UACA: variants seen among roughly 807,000 people sequenced by gnomAD.
UACA encodes the protein uveal autoantigen with coiled-coil domains and ankyrin repeats.
UACA carries 112 observed loss-of-function variants against 160.5 expected under a neutral mutation model. The observed-to-expected ratio is 0.70, with a 90% CI of 0.60 to 0.82. The LOEUF (loss-of-function observed/expected upper bound fraction) is 0.82. Among genes scored for constraint, UACA ranks in the 40% least tolerant of loss-of-function variants. UACA has a pLI of 0.00. For missense variants in UACA, 1,574 were observed against 1,614.6 expected, an observed-to-expected ratio of 0.97 and a Z score of 0.43; for synonymous variants, 557 against 568.4, an observed-to-expected ratio of 0.98 and a Z score of 0.29.
intron 1 of UACA, among the ~76,000 whole-genome samples, chr15:70,700,494 CA>C (rs1395364731): frequency 6.6e-6 from 1 of 151,732 alleles, no homozygotes; most frequent in Non-Finnish European, 1.5e-5. Flanking sequence ...TCCCTTTTTA[CA>C]TTCCACATGT....
At chr15:70,681,257 G>A (rs1897490997) in intron 9 of UACA, among the ~76,000 whole-genome samples, 1 of 152,200 alleles carries the variant, frequency 6.6e-6, no homozygotes, top group Non-Finnish European at 1.5e-5. Context: ...TAGAACAGTA[G>A]TTGGCATGTT....
At chr15:70,747,692 A>G (rs1899753605) in intron 1 of UACA, among the ~76,000 whole-genome samples, 1 of 152,216 alleles carries the variant, frequency 6.6e-6, no homozygotes, top group African/African-American at 2.4e-5. Context: ...TGATTAGACC[A>G]AAGTTTTTCA....
chr15:70,726,534 G>C (rs899660440), intron 1 of UACA, among the ~76,000 whole-genome samples: 2 of 151,888 alleles, frequency 1.3e-5, no homozygotes, highest in Non-Finnish European at 2.9e-5. Context: ...CATTTCATTT[G>C]GCTTTACTTT....
rs1310876154 is a variant in UACA, at chr15:70,656,429, T to A, written c.*627A>T. 1 of 152,188 alleles carries A rather than the reference T, an allele frequency of 6.6e-6. No individual in the cohort carries two copies. The highest frequency in any genetic ancestry group is 1.5e-5 in the Non-Finnish European group (1 of 68,036). The allele number at this position is 152,188 out of a possible 1,614,324, so 9.4% of individuals were successfully genotyped here. A position where few individuals can be genotyped will look rare whatever the true frequency, so the allele number is the denominator to read the frequency against. ...TCCTGATATATTCCACCCCTGCCTG[T>A]TCTTAATCTAAATGTAATTTAGCAC... is the stretch of plus-strand genomic sequence containing the variant. On this transcript the variant is annotated 3_prime_UTR_variant, in exon 19 of 19. Transcript: ENST00000322954.
intron 18 of UACA, among the ~76,000 whole-genome samples, chr15:70,659,395 GTTTTTTTTTTTTT>G (rs71152307): frequency 7.4e-4 from 14 of 18,818 alleles, no homozygotes; most frequent in African/African-American, 1.1e-3. Flanking sequence ...TTTTTTGTTT[GTTTTTTTTTTTTT>G]TTTTTTTTTT....
chr15:70,701,210 C>A (rs1202593777), intron 1 of UACA, among the ~76,000 whole-genome samples: 1 of 152,156 alleles, frequency 6.6e-6, no homozygotes, highest in African/African-American at 2.4e-5. Context: ...TTCCTCCTAA[C>A]TTCAAAAGTT....
At chr15:70,685,387 T>C (rs1897673937) in intron 7 of UACA, among the ~76,000 whole-genome samples, 1 of 152,304 alleles carries the variant, frequency 6.6e-6, no homozygotes, top group African/African-American at 2.4e-5. Flanking sequence ...ATTGTGAATA[T>C]TGGATCTCTT....
Position 70,715,163 on chromosome 15 carries a change from T to A in UACA, c.79-15503A>T, listed in dbSNP as rs116619482. 9.7e-3 allele frequency among the ~76,000 whole-genome samples: 1,480 copies of A among 152,280 alleles called. 31 individuals are homozygous for A. The highest frequency in any genetic ancestry group is 0.033 in the African/African-American group (1,376 of 41,560). ...AAAAGCCTAAATGTCATAAGTAAAA[T>A]TTTTTAAATATAAAGCTAAAAACCA... is the stretch of plus-strand genomic sequence containing the variant. On this transcript the variant is annotated intron_variant, in intron 1 of 18. Transcript: ENST00000322954.
intron 18 of UACA, among the ~76,000 whole-genome samples, chr15:70,658,618 A>T (rs1896567450): frequency 6.6e-6 from 1 of 152,206 alleles, no homozygotes; most frequent in Non-Finnish European, 1.5e-5. Context: ...TTATATTTTT[A>T]AAAAATACTT....
chr15:70,664,904 G>A lies in UACA; in HGVS notation c.3961-90C>T, dbSNP rs539200523. The A allele has an allele frequency of 4.0e-6, 5 of 1,243,842 alleles. No individual in the cohort carries two copies. In the Admixed American group the frequency reaches 8.4e-5, roughly 21 times the overall value. 77.1% of individuals were successfully genotyped at this position (1,243,842 alleles called of 1,614,324 possible). A position where few individuals can be genotyped will look rare whatever the true frequency, so the allele number is the denominator to read the frequency against. On this transcript the variant is annotated intron_variant, in intron 16 of 18. Transcript: ENST00000322954. ...CAGAAATCATTCCTTTTTGGAGACA[G>A]AAGCTTTATCTTTATACACCAGAAA...
chr15:70,775,153 T>C, the UACA span, among the ~76,000 whole-genome samples: 1 of 152,326 alleles, frequency 6.6e-6, no homozygotes, highest in East Asian at 1.9e-4. Context: ...ACAAGGTCTA[T>C]TGAAGAAGAG....
At position 70,684,440 on chromosome 15, in the gene UACA, G is replaced by C. The variant is rs762717061; in HGVS notation, c.609C>G (p.Ala203=). Reference sequence around the variant, plus strand: ...AACCATATTCGCAACCTAGCATGAGGGCAGTTCTAAATGGAAAAATGGAAG... The same window carrying C: ...AACCATATTCGCAACCTAGCATGAGCGCAGTTCTAAATGGAAAAATGGAAG... ...VNSRDKQNRT[A]LMLGCEYGCR... The change falls in exon 8 of 19, where the codon GCC becomes GCG. Residue 203 remains alanine, a synonymous_variant. Coordinates refer to ENST00000322954, the MANE Select transcript of UACA (RefSeq NM_018003.4). 1.2e-6 allele frequency: 2 copies of C among 1,604,394 alleles called. No individual in the cohort carries two copies. The highest frequency in any genetic ancestry group is 1.7e-6 in the Non-Finnish European group (2 of 1,177,066).
chr15:70,699,888 G>C (rs1898279172), intron 1 of UACA, among the ~76,000 whole-genome samples: 1 of 151,930 alleles, frequency 6.6e-6, no homozygotes, highest in African/African-American at 2.4e-5. Flanking sequence ...TTATACTTTT[G>C]AGGGAAAGCA....
chr15:70,765,746 C>T (rs2141023927), upstream of UACA, among the ~76,000 whole-genome samples: 1 of 152,284 alleles, frequency 6.6e-6, no homozygotes, highest in East Asian at 1.9e-4. Flanking sequence ...TTGGGATTCC[C>T]CCTATTGTGA....
chr15:70,744,113 C>T (rs1195403114), intron 1 of UACA, among the ~76,000 whole-genome samples: 1 of 151,720 alleles, frequency 6.6e-6, no homozygotes, highest in Non-Finnish European at 1.5e-5. Context: ...GGCATAGTGG[C>T]GGGCGCCTGT....
chr15:70,679,497 C>G (rs1266809467), intron 10 of UACA, 111 bp downstream of exon 10: 2 of 585,178 alleles, frequency 3.4e-6, no homozygotes, highest in Admixed American at 3.6e-5. Flanking sequence ...GCTTCCCTTT[C>G]TTTGCCCCAC....
chr15:70,682,469 T>C (rs1246188561), intron 9 of UACA, among the ~76,000 whole-genome samples: 1 of 152,144 alleles, frequency 6.6e-6, no homozygotes, highest in East Asian at 1.9e-4. Flanking sequence ...CAAGTTACAA[T>C]GTCTCCTACT....
intron 1 of UACA, among the ~76,000 whole-genome samples, chr15:70,705,917 T>C (rs550015017): frequency 1.3e-5 from 2 of 152,336 alleles, no homozygotes; most frequent in African/African-American, 4.8e-5. Flanking sequence ...GTGATAATCT[T>C]ATAATTATTT....
intron 18 of UACA, among the ~76,000 whole-genome samples, chr15:70,657,436 C>G (rs1896518134): frequency 6.6e-6 from 1 of 151,620 alleles, no homozygotes; most frequent in South Asian, 2.1e-4. Flanking sequence ...CATGGCGAAA[C>G]CCCATCTCTG....
Sources: allele counts gnomAD v4.1 joint callset (sites outside exome capture counted in the v4.1 genomes callset), GRCh38; gene constraint gnomAD v4.1.1; transcripts MANE v1.5; gene names NCBI Gene and HGNC (gene_info 2026-07-23, HGNC 2026-07-21).